Variants in PCDH9 observed in about 807,000 individuals in gnomAD.
The protein encoded by PCDH9 is protocadherin-9.
PCDH9 carries 24 observed loss-of-function variants against 70.6 expected under a neutral mutation model. The observed-to-expected ratio is 0.34, with a 90% CI of 0.25 to 0.48. PCDH9 has a LOEUF of 0.48. Ranked by LOEUF, PCDH9 falls within the 20% of genes least tolerant of loss-of-function variation. The pLI is 0.99. For missense variants in PCDH9, 1,281 were observed against 1,503.6 expected (o/e 0.85, Z 2.45); for synonymous variants, 562 against 558.5 (o/e 1.01, Z -0.09).
rs143741165 is a variant in PCDH9, at chr13:66,943,881, T to C, written c.3037-40276A>G. 1.5e-3 allele frequency among the ~76,000 whole-genome samples: 226 copies of C among 152,146 alleles called. 2 individuals carry two copies. The highest frequency in any genetic ancestry group is 5.1e-3 in the African/African-American group (212 of 41,520). Reference sequence around the variant, plus strand: ...GCTTGAAACAAGATAAAAATGTGATTTGGATACCAATGAAGTGACTTTCTG... The same window carrying C: ...GCTTGAAACAAGATAAAAATGTGATCTGGATACCAATGAAGTGACTTTCTG... On this transcript the variant is annotated intron_variant, in intron 2 of 4. Transcript: ENST00000377865.
chr13:66,501,569 C>T (rs186175343), intron 4 of PCDH9, among the ~76,000 whole-genome samples: 2 of 152,006 alleles, frequency 1.3e-5, no homozygotes, highest in Non-Finnish European at 2.9e-5. Flanking sequence ...GGTTCTATCA[C>T]AATTACAGGT....
chr13:66,848,904 G>C (rs1228451101), intron 3 of PCDH9, among the ~76,000 whole-genome samples: 1 of 147,312 alleles, frequency 6.8e-6, no homozygotes, highest in Non-Finnish European at 1.5e-5. Flanking sequence ...CTCCAGCCTG[G>C]GTGACACAGC....
intron 3 of PCDH9, among the ~76,000 whole-genome samples, chr13:66,744,089 C>T (rs1003879124): frequency 5.9e-5 from 9 of 152,162 alleles, no homozygotes; most frequent in Admixed American, 1.3e-4. Context: ...AAAATCTTCT[C>T]GCAAAATCAT....
chr13:66,549,623 T>C (rs926127442), intron 4 of PCDH9, among the ~76,000 whole-genome samples: 3 of 152,142 alleles, frequency 2.0e-5, no homozygotes, highest in Non-Finnish European at 2.9e-5. Context: ...AGAGGTCAAA[T>C]CAGATTAATT....
At chr13:66,612,825 G>C (rs1435136573) in intron 4 of PCDH9, among the ~76,000 whole-genome samples, 4 of 151,798 alleles carry the variant, frequency 2.6e-5, no homozygotes, top group African/African-American at 9.7e-5. Context: ...CCATGTTTCT[G>C]CTTTTTTTTT....
At chr13:66,810,487 T>A (rs1362226394) in intron 3 of PCDH9, among the ~76,000 whole-genome samples, 2 of 152,010 alleles carry the variant, frequency 1.3e-5, no homozygotes, top group Non-Finnish European at 2.9e-5. Flanking sequence ...AATATAGAGC[T>A]TATAATATTC....
intron 4 of PCDH9, among the ~76,000 whole-genome samples, chr13:66,611,766 A>G (rs1276038540): frequency 6.6e-6 from 1 of 152,170 alleles, no homozygotes; most frequent in Non-Finnish European, 1.5e-5. Flanking sequence ...GAGTGTGCTT[A>G]GCTAATTGTC....
chr13:66,933,199 GA>G (rs1351820484), intron 2 of PCDH9, among the ~76,000 whole-genome samples: 1 of 151,944 alleles, frequency 6.6e-6, no homozygotes, highest in Non-Finnish European at 1.5e-5. Flanking sequence ...GTCTTTGTCA[GA>G]AAGCAAATGC....
chr13:66,812,400 G>A (rs1015572115), intron 3 of PCDH9, among the ~76,000 whole-genome samples: 1 of 152,014 alleles, frequency 6.6e-6, no homozygotes, highest in Admixed American at 6.5e-5. Context: ...AATCTTATTG[G>A]GCCAGTAAGA....
In PCDH9 at chr13:66,986,707, T is replaced by C. The variant is rs114374534; in HGVS notation, c.3037-83102A>G. ...AACAGATTTTAGGGTACTAAAACCA[T>C]GATGATTTGAGATGTTTAAAAATAG... On this transcript the variant is annotated intron_variant, in intron 2 of 4. Coordinates refer to ENST00000377865, the MANE Select transcript of PCDH9 (RefSeq NM_203487.3). Among the ~76,000 whole-genome samples, 716 of 152,114 alleles carry C rather than the reference T, an allele frequency of 4.7e-3. 4 individuals are homozygous for C. Among genetic ancestry groups the C allele is most frequent in the African/African-American group, 0.016 (680 of 41,556 alleles).
intron 4 of PCDH9, among the ~76,000 whole-genome samples, chr13:66,489,256 G>C (rs1414167491): frequency 6.6e-6 from 1 of 152,086 alleles, no homozygotes; most frequent in Admixed American, 6.6e-5. Flanking sequence ...ATTATAATCT[G>C]TCTACTCAAC....
chr13:66,382,353 A>C (rs1283514991), intron 4 of PCDH9, among the ~76,000 whole-genome samples: 14 of 152,152 alleles, frequency 9.2e-5, no homozygotes, highest in Admixed American at 9.2e-4. Flanking sequence ...AGACCTAGAA[A>C]CAGGATGTCT....
At chr13:66,561,266 G>A (rs1962015483) in intron 4 of PCDH9, among the ~76,000 whole-genome samples, 1 of 152,200 alleles carries the variant, frequency 6.6e-6, no homozygotes, top group South Asian at 2.1e-4. Context: ...ACAGGGCAGG[G>A]CTCGGGACCT....
At chr13:67,054,433 G>C (rs1461511097) in intron 2 of PCDH9, among the ~76,000 whole-genome samples, 1 of 152,090 alleles carries the variant, frequency 6.6e-6, no homozygotes, top group African/African-American at 2.4e-5. Flanking sequence ...TTTCATTATA[G>C]TTGATCTCCT....
chr13:66,664,975 A>G (rs2078073192), intron 3 of PCDH9, among the ~76,000 whole-genome samples: 1 of 152,166 alleles, frequency 6.6e-6, no homozygotes, highest in Admixed American at 6.5e-5. Flanking sequence ...AATGCAGTCT[A>G]CTTACACAAG....
intron 3 of PCDH9, among the ~76,000 whole-genome samples, chr13:66,711,767 C>T (rs2078798109): frequency 6.6e-6 from 1 of 152,108 alleles, no homozygotes; most frequent in Admixed American, 6.6e-5. Flanking sequence ...ACGATGTTAG[C>T]CATGAGCTCT....
intron 4 of PCDH9, among the ~76,000 whole-genome samples, chr13:66,562,374 T>A (rs1480908412): frequency 6.6e-6 from 1 of 152,110 alleles, no homozygotes; most frequent in East Asian, 1.9e-4. Context: ...ATATACTAAA[T>A]GCCTGTATTA....
chr13:66,923,976 C>T (rs547658725), intron 2 of PCDH9, among the ~76,000 whole-genome samples: 2 of 151,694 alleles, frequency 1.3e-5, no homozygotes, highest in African/African-American at 2.4e-5. Context: ...AATCCTGCTG[C>T]GGCATTTATT....
At chr13:66,433,745 TCTTA>T (rs1957816967) in intron 4 of PCDH9, among the ~76,000 whole-genome samples, 2 of 151,844 alleles carry the variant, frequency 1.3e-5, no homozygotes, top group Non-Finnish European at 3.0e-5. Flanking sequence ...TCAAGATTAC[TCTTA>T]CTTAAGTTAG....
Sources: gnomAD v4.1 joint callset for allele counts (sites outside exome capture counted in the v4.1 genomes callset) on GRCh38, gnomAD v4.1.1 for gene constraint, MANE v1.5 for transcripts, NCBI Gene and HGNC (gene_info 2026-07-23, HGNC 2026-07-21) for gene names.